SNAP47: variants seen among roughly 807,000 people sequenced by gnomAD.
The protein encoded by SNAP47 is synaptosome associated protein 47, also known as synaptosomal-associated protein 47.
In SNAP47, 20 loss-of-function variants were observed where a neutral mutation model predicts 31.4. The ratio of observed to expected loss-of-function variants is 0.64; its 90% CI spans 0.45 to 0.93. SNAP47 has a LOEUF of 0.93. SNAP47 is among the 40% of genes least tolerant of loss of function. The pLI is 0.00. For synonymous variants in SNAP47, 194 were observed against 213.4 expected, an observed-to-expected ratio of 0.91 and a Z score of 0.79; for missense variants, 492 against 528.5, an observed-to-expected ratio of 0.93 and a Z score of 0.68.
upstream of SNAP47, chr1:227,733,681 C>A (rs752221867): frequency 6.3e-7 from 1 of 1,599,976 alleles, no homozygotes; most frequent in Admixed American, 1.7e-5. Context: ...GGAACGGGGA[C>A]CTGCGGCAGC....
At position 227,750,004 on chromosome 1, in the gene SNAP47, T is replaced by A. The variant is rs138494347; in HGVS notation, c.497+1771T>A. 9.2e-5 allele frequency among the ~76,000 whole-genome samples: 14 copies of A among 152,382 alleles called. No individual in the cohort carries two copies. The East Asian group carries it at 2.7e-3, about 29-fold the overall frequency. On this transcript the variant is annotated intron_variant, in intron 2 of 4. Transcript: ENST00000617596. ...AGCTGCAGTGGGCAGAACCTCTGTG[T>A]CCCTGGAATCCCGCCTTGGCATTGG...
chr1:227,758,953 A>C (rs779809654), intron 2 of SNAP47, 42 bp from the exon 3 acceptor site: 1 of 1,543,010 alleles, frequency 6.5e-7, no homozygotes, highest in East Asian at 2.3e-5. Context: ...ACTCCTTAAA[A>C]ATGAACTGAT....
At chr1:227,758,576 C>CA (rs1662840830) in intron 2 of SNAP47, among the ~76,000 whole-genome samples, 1 of 152,208 alleles carries the variant, frequency 6.6e-6, no homozygotes, top group African/African-American at 2.4e-5. Context: ...CTTCAGTTGT[C>CA]ACGTGTGCCT....
intron 1 of SNAP47, 57 bp downstream of exon 1, chr1:227,735,556 C>T (rs1312421008): frequency 7.4e-7 from 1 of 1,352,266 alleles, no homozygotes; most frequent in African/African-American, 1.5e-5. Flanking sequence ...GTAGCGTCCG[C>T]CCTCGGCTCA....
intron 4 of SNAP47, among the ~76,000 whole-genome samples, chr1:227,775,198 T>C (rs1400821362): frequency 6.6e-6 from 1 of 151,948 alleles, no homozygotes; most frequent in Non-Finnish European, 1.5e-5. Flanking sequence ...CAGCAGAGAG[T>C]GTTCTTTACG....
intron 4 of SNAP47, among the ~76,000 whole-genome samples, chr1:227,772,861 G>A (rs995883813): frequency 6.6e-6 from 1 of 152,168 alleles, no homozygotes; most frequent in East Asian, 1.9e-4. Flanking sequence ...TTGAAAATCC[G>A]TTAGCCATAG....
At chr1:227,773,979 T>C (rs1663998686) in intron 4 of SNAP47, among the ~76,000 whole-genome samples, 1 of 152,278 alleles carries the variant, frequency 6.6e-6, no homozygotes, top group African/African-American at 2.4e-5. Flanking sequence ...ACCTGTTGGT[T>C]GTTTAATTTG....
intron 1 of SNAP47, chr1:227,736,031 T>A (rs1032229275): frequency 6.5e-6 from 1 of 153,730 alleles, no homozygotes; most frequent in Non-Finnish European, 1.4e-5. Flanking sequence ...CAGTGGGGAT[T>A]TGGAGGGGAC....
intron 4 of SNAP47, among the ~76,000 whole-genome samples, chr1:227,777,563 A>G (rs1664236595): frequency 6.6e-6 from 1 of 152,210 alleles, no homozygotes; most frequent in South Asian, 2.1e-4. Context: ...AGGACTGTAT[A>G]TAAAAGAAGA....
chr1:227,748,028 T>C lies in SNAP47; in HGVS notation c.292T>C (p.Trp98Arg). 2.5e-6 allele frequency: 4 copies of C among 1,614,188 alleles called. No individual in the cohort carries two copies. Among genetic ancestry groups the C allele is most frequent in the Non-Finnish European group, 3.4e-6 (4 of 1,180,020 alleles). Residue 98 changes from tryptophan to arginine, a missense_variant, in exon 2 of 5, where the codon TGG becomes CGG. By Grantham distance (101) the Trp-to-Arg change is moderately radical (BLOSUM62 -3). Transcript: ENST00000617596. ...NVVFSIIEHFWRELLLSQPGA... is the reference protein window; with the variant it reads ...NVVFSIIEHFRRELLLSQPGA... ...GGTCTTCAGCATCATCGAGCATTTC[T>C]GGAGGGAGCTGCTGCTGTCTCAGCC...
At chr1:227,754,280 C>G (rs902936496) in intron 2 of SNAP47, among the ~76,000 whole-genome samples, 2 of 152,206 alleles carry the variant, frequency 1.3e-5, no homozygotes, top group Non-Finnish European at 2.9e-5. Context: ...GCCCTTGTGT[C>G]CCTTTACTGA....
upstream of SNAP47, chr1:227,733,541 G>A: frequency 6.2e-7 from 1 of 1,607,464 alleles, no homozygotes; most frequent in Non-Finnish European, 8.5e-7. Flanking sequence ...GAGTGCTGGG[G>A]AGGTCACGTC....
upstream of SNAP47, chr1:227,734,795 G>T: frequency 1.2e-6 from 2 of 1,614,016 alleles, no homozygotes; most frequent in East Asian, 2.2e-5. Flanking sequence ...CCCACAGTTT[G>T]CAACTGGTAC....
chr1:227,777,182 ATAAT>A, intron 4 of SNAP47: 1 of 711,046 alleles, frequency 1.4e-6, no homozygotes, highest in Non-Finnish European at 1.7e-6. Context: ...TAGGTTGAGA[ATAAT>A]TGTACATACT....
chr1:227,748,245 G>A lies in SNAP47; in HGVS notation c.497+12G>A, dbSNP rs1192097942. ...GAGGTGGCGGACAGGTGGGCTTGCT[G>A]TGTACACTTTGCAAGGCACACACAG... On this transcript the variant is annotated intron_variant, in intron 2 of 4. Transcript: ENST00000617596. 1.3e-6 allele frequency: 2 copies of A among 1,552,612 alleles called. No individual in the cohort carries two copies. Among genetic ancestry groups the A allele is most frequent in the Non-Finnish European group, 1.7e-6 (2 of 1,150,858 alleles).
chr1:227,772,508 G>T (rs569533918), intron 4 of SNAP47, among the ~76,000 whole-genome samples: 3 of 152,252 alleles, frequency 2.0e-5, no homozygotes, highest in African/African-American at 7.2e-5. Flanking sequence ...GGATGTACGA[G>T]CTGTTTCCTC....
intron 2 of SNAP47, among the ~76,000 whole-genome samples, chr1:227,750,558 C>T (rs949109439): frequency 9.2e-5 from 14 of 152,224 alleles, no homozygotes; most frequent in Admixed American, 3.9e-4. Flanking sequence ...TCTGCCCTCC[C>T]GCCTGTGGGG....
At chr1:227,730,276 ATGTGC>A (rs1208032292), upstream of SNAP47, 2 of 152,118 alleles carry the variant, frequency 1.3e-5, no homozygotes, top group Non-Finnish European at 2.9e-5. Flanking sequence ...AGGCCCTCAC[ATGTGC>A]TGACAGCATG....
chr1:227,732,815 G>C, upstream of SNAP47: 1 of 1,601,550 alleles, frequency 6.2e-7, no homozygotes, highest in Non-Finnish European at 8.5e-7. Flanking sequence ...GGTGACCAAG[G>C]GAGTCTGAGC....
Sources: allele counts gnomAD v4.1 joint callset (sites outside exome capture counted in the v4.1 genomes callset), GRCh38; gene constraint gnomAD v4.1.1; transcripts MANE v1.5; gene names NCBI Gene and HGNC (gene_info 2026-07-23, HGNC 2026-07-21).